The following NCOA1 variants were observed in gnomAD, a reference collection of about 807,000 sequenced individuals.
NCOA1 encodes the protein Hin-2 protein.
Under a neutral mutation model 150.9 loss-of-function variants are expected in NCOA1, and 35 were observed. The observed-to-expected ratio is 0.23, with a 90% CI of 0.18 to 0.31. The LOEUF is 0.31. Among genes scored for constraint, NCOA1 ranks in the 10% least tolerant of loss-of-function variants. NCOA1 has a pLI of 1.00. For synonymous variants in NCOA1, 590 were observed against 630.0 expected (o/e 0.94, Z 0.95); for missense variants, 1,491 against 1,749.3 (o/e 0.85, Z 2.63).
chr2:24,719,855 A>C (rs1216058849), intron 14 of NCOA1, among the ~76,000 whole-genome samples: 1 of 152,232 alleles, frequency 6.6e-6, no homozygotes, highest in African/African-American at 2.4e-5. Flanking sequence ...AGAATGTTGA[A>C]ACATCTGATA....
Position 24,716,284 on chromosome 2 carries a change from A to T in NCOA1, c.2599+5173A>T, listed in dbSNP as rs55963583. ...AAAAAAAGAAAACTTGGGAGTATTT[A>T]TACTGCTTGATTTTAATACTTCTAT... On this transcript the variant is annotated intron_variant, in intron 14 of 22. Coordinates refer to ENST00000348332, the MANE Select transcript of NCOA1 (RefSeq NM_003743.5). Among the ~76,000 whole-genome samples, 648 of 151,576 alleles carry T rather than the reference A, an allele frequency of 4.3e-3. 6 individuals are homozygous for T. The highest frequency in any genetic ancestry group is 0.015 in the African/African-American group (621 of 41,464).
At chr2:24,654,548 A>G (rs1300259281) in intron 4 of NCOA1, among the ~76,000 whole-genome samples, 1 of 152,288 alleles carries the variant, frequency 6.6e-6, no homozygotes, top group East Asian at 1.9e-4. Context: ...AAGATTGTGG[A>G]CATTCAGATA....
intron 7 of NCOA1, among the ~76,000 whole-genome samples, chr2:24,675,496 TTA>T (rs1296018884): frequency 6.6e-6 from 1 of 152,222 alleles, no homozygotes; most frequent in East Asian, 1.9e-4. Flanking sequence ...AATGGCCTGA[TTA>T]AGAATCCCAT....
chr2:24,537,909 T>G (rs1457147875), intron 1 of NCOA1, among the ~76,000 whole-genome samples: 4 of 152,314 alleles, frequency 2.6e-5, no homozygotes, highest in African/African-American at 7.2e-5. Flanking sequence ...TTGATTGCAA[T>G]TCTGTATCTG....
rs1419129162 is a variant in NCOA1 at position 24,758,013 on chromosome 2, C to T, written c.3922C>T (p.Gln1308Ter). The T allele has an allele frequency of 1.2e-6, 2 of 1,614,108 alleles. No individual in the cohort carries two copies. Among genetic ancestry groups the T allele is most frequent in the African/African-American group, 1.3e-5 (1 of 75,020 alleles). ...TGTCCAGAACCAGCCCACGCCTGCA[C>T]AGCCAGGAGTATACAACAACATGAG... ...QAVQNQPTPA[Q>*]PGVYNNMSIT... The change falls in exon 21 of 23, where the codon CAG (glutamine) becomes TAG (stop). Residue 1308 changes from glutamine to a stop codon, truncating the protein, a stop_gained. Coordinates refer to ENST00000348332, the MANE Select transcript of NCOA1 (RefSeq NM_003743.5). LOFTEE classifies it high-confidence loss of function.
At chr2:24,540,677 T>A (rs960399062) in intron 1 of NCOA1, among the ~76,000 whole-genome samples, 1 of 152,140 alleles carries the variant, frequency 6.6e-6, no homozygotes, top group African/African-American at 2.4e-5. Context: ...CAGGCTGGTC[T>A]CGAACTCCTG....
At chr2:24,664,761 A>T (rs886430138) in intron 5 of NCOA1, among the ~76,000 whole-genome samples, 1 of 152,086 alleles carries the variant, frequency 6.6e-6, no homozygotes, top group African/African-American at 2.4e-5. Flanking sequence ...GTTGCCAATT[A>T]TGAGCTCTAT....
rs139288468 is a variant in NCOA1 at position 24,567,506 on chromosome 2, C to T, written c.-260+3076C>T. On this transcript the variant is annotated intron_variant, in intron 2 of 22. Coordinates refer to ENST00000348332, the MANE Select transcript of NCOA1 (RefSeq NM_003743.5). ...ATGTCTTTTATTCAGAATGGTTACT[C>T]TTGGGCTAGGAAGACTAGATACACC... is the stretch of plus-strand genomic sequence containing the variant. Among the ~76,000 whole-genome samples the T allele has an allele frequency of 7.0e-3, 1,065 of 152,230 alleles. 13 individuals carry two copies. Among genetic ancestry groups the T allele is most frequent in the African/African-American group, 0.024 (1,004 of 41,542 alleles).
At chr2:24,749,688 C>T (rs1236510562) in intron 19 of NCOA1, among the ~76,000 whole-genome samples, 1 of 151,916 alleles carries the variant, frequency 6.6e-6, no homozygotes, top group Non-Finnish European at 1.5e-5. Context: ...CTAACCACAG[C>T]CCAGACAAAG....
intron 1 of NCOA1, among the ~76,000 whole-genome samples, chr2:24,534,135 T>C (rs1229312332): frequency 3.3e-5 from 5 of 152,220 alleles, no homozygotes; most frequent in Non-Finnish European, 7.3e-5. Flanking sequence ...GTTATTGGTC[T>C]ATTCAGAGAT....
chr2:24,592,578 A>ATTTTTTTTTTTTTTTTT (rs145333073), intron 3 of NCOA1, among the ~76,000 whole-genome samples: 1 of 103,492 alleles, frequency 9.7e-6, no homozygotes, highest in Admixed American at 1.1e-4. Flanking sequence ...TCCCCTCCTA[A>ATTTTTTTTTTTTTTTTT]TTTTTTTTTT....
intron 3 of NCOA1, among the ~76,000 whole-genome samples, chr2:24,641,733 A>T (rs1339744099): frequency 1.3e-5 from 2 of 152,170 alleles, no homozygotes; most frequent in East Asian, 3.9e-4. Flanking sequence ...TACCATTTAT[A>T]TCTTTGTTTC....
chr2:24,634,710 C>CCCG (rs1669859413), intron 3 of NCOA1, among the ~76,000 whole-genome samples: 1 of 35,552 alleles, frequency 2.8e-5, no homozygotes, highest in African/African-American at 6.6e-5. Flanking sequence ...GGGGAGGAAC[C>CCCG]CCCCCCCCCC....
intron 19 of NCOA1, among the ~76,000 whole-genome samples, chr2:24,748,583 T>G (rs1572679155): frequency 1.5e-5 from 2 of 133,856 alleles, no homozygotes; most frequent in African/African-American, 5.8e-5. Context: ...GCCATTGTAC[T>G]CCAGCCTGGG....
intron 4 of NCOA1, among the ~76,000 whole-genome samples, chr2:24,651,373 A>G (rs921194649): frequency 2.6e-5 from 4 of 152,132 alleles, no homozygotes; most frequent in Non-Finnish European, 5.9e-5. Flanking sequence ...TTCAGCCATT[A>G]AAAAGGAGGA....
intron 3 of NCOA1, among the ~76,000 whole-genome samples, chr2:24,593,202 G>A (rs1486814253): frequency 3.3e-5 from 5 of 152,088 alleles, no homozygotes; most frequent in East Asian, 3.8e-4. Context: ...CTGTCTTGAC[G>A]GATGGCACTA....
intron 1 of NCOA1, among the ~76,000 whole-genome samples, chr2:24,516,526 A>G (rs1664174762): frequency 6.6e-6 from 1 of 151,496 alleles, no homozygotes; most frequent in Non-Finnish European, 1.5e-5. Context: ...AGGAGCAAAG[A>G]TAAAAGTTCA....
chr2:24,634,708 A>ACCC (rs530645429), intron 3 of NCOA1, among the ~76,000 whole-genome samples: 1,319 of 39,818 alleles, frequency 0.033, 9 homozygotes, highest in Middle Eastern at 0.04. Flanking sequence ...TAGGGGAGGA[A>ACCC]CCCCCCCCCC....
At chr2:24,665,037 A>AT (rs1312779808) in intron 5 of NCOA1, among the ~76,000 whole-genome samples, 1 of 152,158 alleles carries the variant, frequency 6.6e-6, no homozygotes, top group Admixed American at 6.5e-5. Flanking sequence ...CATTTGGTAT[A>AT]TTTTTTTAAA....
Sources: allele counts gnomAD v4.1 joint callset (sites outside exome capture counted in the v4.1 genomes callset), GRCh38; gene constraint gnomAD v4.1.1; transcripts MANE v1.5; gene names NCBI Gene and HGNC (gene_info 2026-07-23, HGNC 2026-07-21).